Variants in PLA2G5 observed in about 807,000 individuals in gnomAD.
PLA2G5 encodes phospholipase A2 group V, also known as Ca2+-dependent phospholipase A2.
A neutral mutation model predicts 15.9 loss-of-function variants in PLA2G5; 12 were observed. That is an observed-to-expected ratio of 0.76 (90% confidence interval 0.48 to 1.23). The LOEUF (loss-of-function observed/expected upper bound fraction) is 1.23, where lower values mean the gene tolerates loss of function less well. Among genes scored for constraint, PLA2G5 ranks in the 50% most tolerant of loss-of-function variants. The pLI, the probability that PLA2G5 is intolerant of heterozygous loss-of-function variation, is 0.00. For missense variants in PLA2G5, 169 were observed against 177.1 expected (o/e 0.95, Z 0.26); for synonymous variants, 71 against 71.4 (o/e 0.99, Z 0.03).
chr1:20,075,559 C>T (rs1006731810), intron 1 of PLA2G5, among the ~76,000 whole-genome samples: 4 of 152,222 alleles, frequency 2.6e-5, no homozygotes, highest in Non-Finnish European at 5.9e-5. Flanking sequence ...AGAGGTCACA[C>T]AGCTAATAAG....
At chr1:20,055,666 G>A (rs768418749) in intron 1 of PLA2G5, among the ~76,000 whole-genome samples, 7 of 152,144 alleles carry the variant, frequency 4.6e-5, no homozygotes, top group East Asian at 1.9e-4. Context: ...CTTGTCCACC[G>A]ACCCAGTGCT....
upstream of PLA2G5, among the ~76,000 whole-genome samples, chr1:20,067,895 G>C (rs1280637550): frequency 6.6e-6 from 1 of 152,182 alleles, no homozygotes; most frequent in East Asian, 1.9e-4. Flanking sequence ...GAGGCAGGCG[G>C]ATCTCCTGAG....
At chr1:20,071,489 G>C (rs925154908) in intron 1 of PLA2G5, among the ~76,000 whole-genome samples, 2 of 152,182 alleles carry the variant, frequency 1.3e-5, no homozygotes, top group Non-Finnish European at 2.9e-5. Flanking sequence ...CTGTCCGCAG[G>C]TTGCTCACAG....
intron 1 of PLA2G5, among the ~76,000 whole-genome samples, chr1:20,039,054 G>C (rs539086843): frequency 3.0e-4 from 45 of 152,248 alleles, no homozygotes; most frequent in African/African-American, 1.0e-3. Context: ...GCTCAGTTAG[G>C]GTCTTGTGAA....
chr1:20,031,901 C>A (rs1217298361), intron 1 of PLA2G5, among the ~76,000 whole-genome samples: 1 of 151,918 alleles, frequency 6.6e-6, no homozygotes, highest in Non-Finnish European at 1.5e-5. Flanking sequence ...TAGGCTGGGG[C>A]AAGTAAGTGT....
At chr1:20,044,799 C>T (rs868585153) in intron 1 of PLA2G5, among the ~76,000 whole-genome samples, 1 of 151,586 alleles carries the variant, frequency 6.6e-6, no homozygotes, top group South Asian at 2.1e-4. Context: ...TGGCAGGGTG[C>T]GATCTGAGGT....
intron 1 of PLA2G5, among the ~76,000 whole-genome samples, chr1:20,057,854 T>C (rs1423492622): frequency 2.8e-5 from 4 of 140,794 alleles, no homozygotes; most frequent in Middle Eastern, 3.6e-3. Flanking sequence ...AAAATATTTT[T>C]AAATTCCTCT....
At chr1:20,032,720 G>GT (rs1354922399) in intron 1 of PLA2G5, among the ~76,000 whole-genome samples, 1 of 152,180 alleles carries the variant, frequency 6.6e-6, no homozygotes, top group East Asian at 1.9e-4. Context: ...TATTACTGAG[G>GT]TAAAACCATC....
chr1:20,054,309 A>T (rs1454125829), intron 1 of PLA2G5, among the ~76,000 whole-genome samples: 1 of 152,228 alleles, frequency 6.6e-6, no homozygotes, highest in Non-Finnish European at 1.5e-5. Flanking sequence ...AGGAGGAAGG[A>T]TTATTCAAAG....
At chr1:20,089,538 A>T (rs1165950368) in intron 3 of PLA2G5, among the ~76,000 whole-genome samples, 3 of 152,168 alleles carry the variant, frequency 2.0e-5, no homozygotes, top group Non-Finnish European at 2.9e-5. Context: ...TCATGTGGCC[A>T]CACCTACTCG....
chr1:20,042,414 C>A (rs527673100), intron 1 of PLA2G5, among the ~76,000 whole-genome samples: 1 of 152,180 alleles, frequency 6.6e-6, no homozygotes, highest in South Asian at 2.1e-4. Flanking sequence ...TGGGGGCCAG[C>A]CTAAAACAGT....
intron 1 of PLA2G5, among the ~76,000 whole-genome samples, chr1:20,053,877 G>A (rs2014302599): frequency 1.3e-5 from 2 of 152,208 alleles, no homozygotes; most frequent in Admixed American, 1.3e-4. Context: ...GAATAAGGAT[G>A]TGTTTCCAGT....
At chr1:20,080,189 G>A (rs924239078) in intron 1 of PLA2G5, among the ~76,000 whole-genome samples, 2 of 152,116 alleles carry the variant, frequency 1.3e-5, no homozygotes, top group African/African-American at 4.8e-5. Context: ...CCCTGGAGGG[G>A]GATTCCAGGG....
At chr1:20,051,658 T>C (rs964366336) in intron 1 of PLA2G5, among the ~76,000 whole-genome samples, 12 of 152,212 alleles carry the variant, frequency 7.9e-5, no homozygotes, top group Admixed American at 3.3e-4. Context: ...TCATTTATAA[T>C]AGGACACAAT....
intron 2 of PLA2G5, among the ~76,000 whole-genome samples, chr1:20,060,952 G>T (rs575961225): frequency 1.1e-4 from 17 of 152,204 alleles, no homozygotes; most frequent in African/African-American, 4.1e-4. Flanking sequence ...CCCGACCTCA[G>T]GTGATCCACC....
Position 20,090,653 on chromosome 1 carries a change from C to T in PLA2G5, c.378C>T (p.Asn126=). 6.2e-7 allele frequency: 1 copy of T among 1,614,060 alleles called. No individual in the cohort carries two copies. Among genetic ancestry groups the T allele is most frequent in the Non-Finnish European group, 8.5e-7 (1 of 1,179,902 alleles). The change falls in exon 5 of 5, where the codon AAC becomes AAT. Residue 126 remains asparagine (N), a synonymous_variant. Coordinates refer to ENST00000375108, the MANE Select transcript of PLA2G5 (RefSeq NM_000929.3). ...TCAAGAGAAACCTACGGAGCTACAA[C>T]CCACAGTACCAATACTTTCCCAACA... is the stretch of plus-strand genomic sequence containing the variant. ...YCLKRNLRSY[N]PQYQYFPNIL...
At chr1:20,054,111 C>T (rs1159948841) in intron 1 of PLA2G5, among the ~76,000 whole-genome samples, 1 of 152,172 alleles carries the variant, frequency 6.6e-6, no homozygotes, top group Non-Finnish European at 1.5e-5. Flanking sequence ...GCCTCAACTC[C>T]TAGAGGTCCT....
chr1:20,043,184 T>C (rs1239403807), intron 1 of PLA2G5, among the ~76,000 whole-genome samples: 4 of 151,858 alleles, frequency 2.6e-5, no homozygotes, highest in South Asian at 2.1e-4. Context: ...AAGAATGGAA[T>C]AGTGAGTTGT....
intron 2 of PLA2G5, among the ~76,000 whole-genome samples, chr1:20,062,133 G>T (rs1304828287): frequency 1.3e-5 from 2 of 152,180 alleles, no homozygotes. Flanking sequence ...GCATACGCTG[G>T]CATCATGCTT....
Sources: gnomAD v4.1 joint callset for allele counts (sites outside exome capture counted in the v4.1 genomes callset) on GRCh38, gnomAD v4.1.1 for gene constraint, MANE v1.5 for transcripts, NCBI Gene and HGNC (gene_info 2026-07-23, HGNC 2026-07-21) for gene names.